ASAP2: variants seen among roughly 807,000 people sequenced by gnomAD.
ASAP2 encodes the protein ArfGAP with SH3 domain, ankyrin repeat and PH domain 2.
ASAP2 carries 45 observed loss-of-function variants against 131.4 expected under a neutral mutation model. The ratio of observed to expected loss-of-function variants is 0.34; its 90% CI spans 0.27 to 0.44. ASAP2 has a LOEUF of 0.44. Ranked by LOEUF, ASAP2 falls within the 20% of genes least tolerant of loss-of-function variation. The probability of loss-of-function intolerance (pLI) is 1.00; values close to 1 mark genes in which losing one functional copy is unlikely to be tolerated. For synonymous variants in ASAP2, 510 were observed against 503.0 expected (o/e 1.01, Z -0.19); for missense variants, 1,011 against 1,297.0 (o/e 0.78, Z 3.39).
chr2:9,378,675 G>A lies in ASAP2; in HGVS notation c.1833-269G>A, dbSNP rs200662484. 2.6e-5 allele frequency among the ~76,000 whole-genome samples: 4 copies of A among 152,296 alleles called. No individual in the cohort carries two copies. In the East Asian group the frequency reaches 7.7e-4, roughly 29 times the overall value. ...GCACTGCCCCACCTTGGCCCCACAT[G>A]CTCAGCAACAACAGGGATGCCCCCC... On this transcript the variant is annotated intron_variant, in intron 18 of 27. Coordinates refer to ENST00000281419, the MANE Select transcript of ASAP2 (RefSeq NM_003887.3).
chr2:9,374,734 G>A (rs1194732958), intron 16 of ASAP2, 21 bp from the exon 17 acceptor site: 2 of 1,572,194 alleles, frequency 1.3e-6, no homozygotes, highest in East Asian at 2.3e-5. Context: ...TGATTTGCAA[G>A]GCAATTACGT....
At position 9,352,212 on chromosome 2, in the gene ASAP2, AACAC is replaced by A. The variant is rs58275721; in HGVS notation, c.1111+1349_1111+1352del. On this transcript the variant is annotated intron_variant, in intron 12 of 27. Transcript: ENST00000281419. ...ACCCTAACTCTTTAAAACACACACAAACACACACACACACACACACACACACACA... is the reference window on the plus strand; with the variant it reads ...ACCCTAACTCTTTAAAACACACACAAACACACACACACACACACACACACA... 5.5e-3 allele frequency among the ~76,000 whole-genome samples: 829 copies of A among 150,080 alleles called. 6 individuals carry two copies. The highest frequency in any genetic ancestry group is 0.019 in the African/African-American group (779 of 40,580).
At chr2:9,316,254 T>G (rs1173244598) in intron 3 of ASAP2, among the ~76,000 whole-genome samples, 1 of 151,698 alleles carries the variant, frequency 6.6e-6, no homozygotes, top group Non-Finnish European at 1.5e-5. Context: ...CTCAAGAAGT[T>G]GAGGCTGAAG....
intron 1 of ASAP2, among the ~76,000 whole-genome samples, chr2:9,220,501 G>A (rs1662339520): frequency 6.6e-6 from 1 of 152,158 alleles, no homozygotes; most frequent in Non-Finnish European, 1.5e-5. Context: ...TATGCCCATG[G>A]CTGTGTGTAT....
chr2:9,374,458 G>A (rs568849664), intron 16 of ASAP2, among the ~76,000 whole-genome samples: 1 of 152,190 alleles, frequency 6.6e-6, no homozygotes, highest in African/African-American at 2.4e-5. Context: ...GAGGTGACGA[G>A]GGCGACAGTG....
In ASAP2 at chr2:9,335,102, G is replaced by A. The variant is rs760855378; in HGVS notation, c.772G>A (p.Ala258Thr). ...LSTDLHTIKQAQDEERRQLIQ... is the reference protein window; with the variant it reads ...LSTDLHTIKQTQDEERRQLIQ... ...GTGTGTGTTTTTAAAGATCAAACAG[G>A]CCCAGGATGAAGAAAGAAGGCAGTT... is the stretch of plus-strand genomic sequence containing the variant. The change falls in exon 9 of 28, where the codon GCC (alanine) becomes ACC (threonine). Residue 258 changes from alanine to threonine, a missense_variant. Transcript: ENST00000281419. The A allele has an allele frequency of 1.2e-6, 2 of 1,613,982 alleles. No homozygotes were observed. The highest frequency in any genetic ancestry group is 2.2e-5 in the South Asian group (2 of 91,060).
chr2:9,308,503 G>A (rs545309239), intron 3 of ASAP2, among the ~76,000 whole-genome samples: 40 of 152,276 alleles, frequency 2.6e-4, no homozygotes, highest in African/African-American at 9.1e-4. Context: ...TGATTTTCCT[G>A]TTTAGAGTTT....
chr2:9,320,199 C>T, intron 4 of ASAP2, 89 bp from the exon 5 acceptor site: 4 of 1,080,162 alleles, frequency 3.7e-6, no homozygotes, highest in Non-Finnish European at 5.6e-6. Flanking sequence ...AATTAATGCT[C>T]CTTTCAGGGC....
At chr2:9,288,271 T>G (rs1441317294) in intron 2 of ASAP2, among the ~76,000 whole-genome samples, 1 of 152,182 alleles carries the variant, frequency 6.6e-6, no homozygotes, top group Non-Finnish European at 1.5e-5. Context: ...TGTTTCCTCA[T>G]CTGTAAAATC....
chr2:9,234,898 A>G (rs1031778600), intron 1 of ASAP2, among the ~76,000 whole-genome samples: 3 of 152,128 alleles, frequency 2.0e-5, no homozygotes, highest in Non-Finnish European at 4.4e-5. Context: ...GGATTTCTAG[A>G]AATACCCTAT....
At chr2:9,269,162 T>G (rs1340348949) in intron 1 of ASAP2, among the ~76,000 whole-genome samples, 1 of 152,228 alleles carries the variant, frequency 6.6e-6, no homozygotes, top group South Asian at 2.1e-4. Flanking sequence ...TACAAATTTT[T>G]TATTAATGAA....
intron 1 of ASAP2, among the ~76,000 whole-genome samples, chr2:9,220,060 T>A (rs1321459986): frequency 6.6e-6 from 1 of 152,250 alleles, no homozygotes; most frequent in African/African-American, 2.4e-5. Context: ...TATGGCTGAA[T>A]AATATTCTAT....
intron 15 of ASAP2, among the ~76,000 whole-genome samples, chr2:9,364,952 A>G (rs549140953): frequency 4.3e-4 from 66 of 152,344 alleles, no homozygotes; most frequent in Middle Eastern, 3.4e-3. Context: ...TTACATTCCA[A>G]CTATCAGACT....
chr2:9,279,880 A>ATTT (rs33914823), intron 2 of ASAP2, among the ~76,000 whole-genome samples: 2,192 of 151,742 alleles, frequency 0.014, 59 homozygotes, highest in African/African-American at 0.051. Flanking sequence ...ACACATATAT[A>ATTT]TTTACACATA....
At chr2:9,285,678 T>C (rs1359141109) in intron 2 of ASAP2, among the ~76,000 whole-genome samples, 2 of 152,258 alleles carry the variant, frequency 1.3e-5, no homozygotes, top group African/African-American at 4.8e-5. Flanking sequence ...CTAACATTTT[T>C]AGCTGTTTGA....
chr2:9,320,743 G>T (rs1670099473), intron 5 of ASAP2, among the ~76,000 whole-genome samples: 1 of 152,152 alleles, frequency 6.6e-6, no homozygotes, highest in Non-Finnish European at 1.5e-5. Context: ...CTTTGTATCT[G>T]TGTTTCTCTG....
At chr2:9,356,775 T>C (rs1672734159) in intron 14 of ASAP2, among the ~76,000 whole-genome samples, 1 of 152,196 alleles carries the variant, frequency 6.6e-6, no homozygotes, top group African/African-American at 2.4e-5. Flanking sequence ...TCTGTGACCC[T>C]GGGAGAGCCA....
intron 18 of ASAP2, 39 bp from the exon 19 acceptor site, chr2:9,378,905 G>A (rs1194087696): frequency 2.2e-6 from 3 of 1,357,104 alleles, no homozygotes; most frequent in Non-Finnish European, 2.9e-6. Flanking sequence ...TCCAGCCTGT[G>A]ACACACTATG....
At chr2:9,260,963 T>G (rs1205545911) in intron 1 of ASAP2, among the ~76,000 whole-genome samples, 1 of 152,182 alleles carries the variant, frequency 6.6e-6, no homozygotes, top group Non-Finnish European at 1.5e-5. Flanking sequence ...GTTGTGCCTG[T>G]GTCCCTGGTG....
Sources: allele counts gnomAD v4.1 joint callset (sites outside exome capture counted in the v4.1 genomes callset), GRCh38; gene constraint gnomAD v4.1.1; transcripts MANE v1.5; gene names NCBI Gene and HGNC (gene_info 2026-07-23, HGNC 2026-07-21).